The following LRP1B variants were observed in gnomAD, a reference collection of about 807,000 sequenced individuals.
LRP1B encodes low-density lipoprotein receptor-related protein 1B.
Under a neutral mutation model 556.6 loss-of-function variants are expected in LRP1B, and 217 were observed. The ratio of observed to expected loss-of-function variants is 0.39; its 90% CI spans 0.35 to 0.44. The LOEUF (loss-of-function observed/expected upper bound fraction) is 0.44, where lower values mean the gene tolerates loss of function less well. Ranked by LOEUF, LRP1B falls within the 20% of genes least tolerant of loss-of-function variation. LRP1B has a pLI of 1.00. For missense variants in LRP1B, 5,053 were observed against 5,620.8 expected, an observed-to-expected ratio of 0.90 and a Z score of 3.23; for synonymous variants, 2,047 against 1,865.8, an observed-to-expected ratio of 1.10 and a Z score of -2.50.
intron 43 of LRP1B, among the ~76,000 whole-genome samples, chr2:140,591,564 T>C (rs774219359): frequency 6.6e-6 from 1 of 152,080 alleles, no homozygotes; most frequent in African/African-American, 2.4e-5. Context: ...CTTTGGAAAA[T>C]GTTGGCAGCA....
intron 18 of LRP1B, among the ~76,000 whole-genome samples, chr2:140,975,360 T>C (rs1696561459): frequency 6.6e-6 from 1 of 152,052 alleles, no homozygotes. Flanking sequence ...CTCAATAGAG[T>C]TGCATTTCTC....
At chr2:141,479,928 T>C (rs1682855987) in intron 3 of LRP1B, among the ~76,000 whole-genome samples, 1 of 152,176 alleles carries the variant, frequency 6.6e-6, no homozygotes, top group South Asian at 2.1e-4. Context: ...CAGTCTAATA[T>C]CATGGAAAGA....
Position 140,731,692 on chromosome 2 carries a change from C to T in LRP1B, c.5759-14876G>A, listed in dbSNP as rs529820993. ...CTGAGGCAGGAGAATCACTTGAACC[C>T]GGGAGACGGAGCTTGCAGTGAGCCG... On this transcript the variant is annotated intron_variant, in intron 35 of 90. Coordinates refer to ENST00000389484, the MANE Select transcript of LRP1B (RefSeq NM_018557.3). 1.5e-4 allele frequency among the ~76,000 whole-genome samples: 20 copies of T among 137,874 alleles called. No homozygotes were observed. In the South Asian group the frequency reaches 1.6e-3, roughly 11 times the overall value. The allele number at this position is 137,874 out of a possible 152,430, so 90.5% of individuals were successfully genotyped here.
At chr2:140,375,362 C>A (rs1161969152) in intron 68 of LRP1B, among the ~76,000 whole-genome samples, 1 of 152,156 alleles carries the variant, frequency 6.6e-6, no homozygotes, top group East Asian at 1.9e-4. Context: ...TTTTCTCACA[C>A]TTAAAATTAG....
intron 37 of LRP1B, among the ~76,000 whole-genome samples, chr2:140,705,901 AT>A (rs781429354): frequency 6.1e-4 from 93 of 152,248 alleles, no homozygotes; most frequent in Non-Finnish European, 9.9e-4. Flanking sequence ...TTAAGTAAAC[AT>A]TTTATGTCAA....
intron 43 of LRP1B, among the ~76,000 whole-genome samples, chr2:140,591,320 A>G (rs967720924): frequency 1.3e-5 from 2 of 152,180 alleles, no homozygotes; most frequent in South Asian, 4.1e-4. Context: ...TATCTATTCA[A>G]TTGGCTGATC....
intron 43 of LRP1B, among the ~76,000 whole-genome samples, chr2:140,550,349 C>T (rs184906821): frequency 6.6e-5 from 10 of 152,144 alleles, no homozygotes; most frequent in Non-Finnish European, 5.9e-5. Context: ...AAGTGACAGG[C>T]GCTGGAGCAC....
chr2:141,037,971 G>A (rs1698584355), intron 11 of LRP1B, among the ~76,000 whole-genome samples: 1 of 151,710 alleles, frequency 6.6e-6, no homozygotes, highest in Non-Finnish European at 1.5e-5. Flanking sequence ...GGCTCACAAA[G>A]AGGCTAAAGT....
chr2:141,502,077 T>C (rs1683735515), intron 2 of LRP1B, among the ~76,000 whole-genome samples: 1 of 152,160 alleles, frequency 6.6e-6, no homozygotes, highest in Non-Finnish European at 1.5e-5. Context: ...CCCAAACAAA[T>C]ATAAGATTGA....
intron 3 of LRP1B, among the ~76,000 whole-genome samples, chr2:141,422,679 A>G (rs535371424): frequency 2.6e-5 from 4 of 152,296 alleles, no homozygotes; most frequent in African/African-American, 7.2e-5. Context: ...CAGATCAAAC[A>G]TGACATTTAT....
intron 87 of LRP1B, among the ~76,000 whole-genome samples, chr2:140,246,081 G>A (rs1371813233): frequency 5.9e-5 from 9 of 151,448 alleles, no homozygotes; most frequent in Admixed American, 1.3e-4. Flanking sequence ...CTGTCTGGGG[G>A]CAGAGACAAC....
intron 5 of LRP1B, among the ~76,000 whole-genome samples, chr2:141,233,839 T>C (rs1683558827): frequency 6.6e-6 from 1 of 152,032 alleles, no homozygotes; most frequent in African/African-American, 2.4e-5. Flanking sequence ...CAAATAATTA[T>C]GTAACTAACA....
intron 6 of LRP1B, among the ~76,000 whole-genome samples, chr2:141,226,209 G>A (rs1683242710): frequency 6.6e-6 from 1 of 151,902 alleles, no homozygotes; most frequent in Non-Finnish European, 1.5e-5. Context: ...ATTGAAGGTA[G>A]ATTTGCTTTT....
chr2:141,565,097 G>C (rs1686283747), intron 2 of LRP1B, among the ~76,000 whole-genome samples: 1 of 152,054 alleles, frequency 6.6e-6, no homozygotes, highest in African/African-American at 2.4e-5. Flanking sequence ...TCCACTATTA[G>C]AGCCACCTAA....
At chr2:141,259,236 T>G (rs1684597490) in intron 3 of LRP1B, among the ~76,000 whole-genome samples, 1 of 152,186 alleles carries the variant, frequency 6.6e-6, no homozygotes, top group African/African-American at 2.4e-5. Context: ...CTTATCTTGT[T>G]TTCTGAATGG....
At chr2:140,533,907 T>G (rs1442978608) in intron 47 of LRP1B, 114 bp downstream of exon 47, 1 of 1,061,414 alleles carries the variant, frequency 9.4e-7, no homozygotes, top group African/African-American at 1.6e-5. Context: ...CAAAGTGTGA[T>G]CCATAGATGT....
At chr2:141,799,770 C>T (rs1695941718) in intron 2 of LRP1B, among the ~76,000 whole-genome samples, 1 of 151,420 alleles carries the variant, frequency 6.6e-6, no homozygotes, top group Non-Finnish European at 1.5e-5. Context: ...CCAGAAACTT[C>T]ACTGTTACGT....
chr2:141,953,762 C>T (rs1701174213), intron 1 of LRP1B, among the ~76,000 whole-genome samples: 1 of 152,078 alleles, frequency 6.6e-6, no homozygotes, highest in South Asian at 2.1e-4. Flanking sequence ...CTAGCTTACT[C>T]ATTCGTTTGG....
intron 7 of LRP1B, among the ~76,000 whole-genome samples, chr2:141,083,716 T>C (rs1699981159): frequency 6.6e-6 from 1 of 152,152 alleles, no homozygotes. Flanking sequence ...CTGGTGACTT[T>C]ATTAGAAGAG....
Sources: gnomAD v4.1 joint callset for allele counts (sites outside exome capture counted in the v4.1 genomes callset) on GRCh38, gnomAD v4.1.1 for gene constraint, MANE v1.5 for transcripts, NCBI Gene and HGNC (gene_info 2026-07-23, HGNC 2026-07-21) for gene names.